Variants in FAM83E observed in about 807,000 individuals in gnomAD.
The protein encoded by FAM83E is protein FAM83E.
Under a neutral mutation model 34.3 loss-of-function variants are expected in FAM83E, and 29 were observed. The observed-to-expected ratio is 0.85, with a 90% CI of 0.63 to 1.15. The LOEUF (loss-of-function observed/expected upper bound fraction) is 1.15. Ranked by LOEUF, FAM83E falls within the 50% of genes most tolerant of loss-of-function variation. The pLI, the probability that FAM83E is intolerant of heterozygous loss-of-function variation, is 0.00. For synonymous variants in FAM83E, 312 were observed against 311.6 expected (o/e 1.00, Z -0.01); for missense variants, 697 against 685.0 (o/e 1.02, Z -0.20).
intron 6 of FAM83E, 77 bp downstream of exon 6, chr19:48,603,417 G>T: frequency 7.4e-7 from 1 of 1,359,536 alleles, no homozygotes; most frequent in Non-Finnish European, 9.6e-7. Context: ...GGCCCCTGGA[G>T]CCTGGCTTGC....
intron 5 of FAM83E, chr19:48,606,805 G>A (rs1973936640): frequency 5.4e-6 from 4 of 736,372 alleles, no homozygotes; most frequent in Middle Eastern, 3.9e-4. Flanking sequence ...AGGACTTAGA[G>A]GGACGCAGGG....
chr19:48,612,119 T>C (rs182206032), intron 3 of FAM83E, among the ~76,000 whole-genome samples: 4 of 152,266 alleles, frequency 2.6e-5, no homozygotes, highest in African/African-American at 9.6e-5. Context: ...GTGGGCACAA[T>C]AGTCCCTCTG....
chr19:48,601,292 C>G lies in FAM83E; in HGVS notation c.1254G>C (p.Trp418Cys), dbSNP rs1466060360. ...MRQRGTGGGP[W>C]GEVDSRPPWG... ...ACGGAGGTCGGGAGTCCACTTCCCC[C>G]CAGGGGCCTCCTCCAGTGCCCCGCT... is the stretch of plus-strand genomic sequence containing the variant. Residue 418 changes from tryptophan (W) to cysteine (C), a missense_variant, in exon 7 of 7, where the codon TGG (tryptophan) becomes TGC (cysteine). Physicochemically the swap from Trp to Cys is radical, Grantham distance 215 (BLOSUM62 -2). Transcript: ENST00000263266. 1.9e-6 allele frequency: 3 copies of G among 1,577,880 alleles called. No homozygotes were observed. The highest frequency in any genetic ancestry group is 2.6e-6 in the Non-Finnish European group (3 of 1,161,452).
Position 48,613,501 on chromosome 19 carries a change from G to C in FAM83E, c.-129C>G. 7.0e-7 allele frequency: 1 copy of C among 1,429,162 alleles called. No individual in the cohort carries two copies. The highest frequency in any genetic ancestry group is 9.1e-7 in the Non-Finnish European group (1 of 1,095,850). 88.5% of individuals were successfully genotyped at this position (1,429,162 alleles called of 1,614,324 possible). A position where few individuals can be genotyped will look rare whatever the true frequency, so the allele number is the denominator to read the frequency against. ...CCCTACGTGGCCATCCGAGGCCTCC[G>C]GCGGGGCCCTGCAGATGTCCAAATG... is the stretch of plus-strand genomic sequence containing the variant. On this transcript the variant is annotated 5_prime_UTR_variant, in exon 3 of 7. Transcript: ENST00000263266.
chr19:48,605,530 G>A (rs990376073), intron 5 of FAM83E, among the ~76,000 whole-genome samples: 4 of 151,916 alleles, frequency 2.6e-5, no homozygotes, highest in East Asian at 1.9e-4. Flanking sequence ...AGCCAAGATC[G>A]CGCCACTGCA....
At chr19:48,606,354 A>C (rs1177051952) in intron 5 of FAM83E, among the ~76,000 whole-genome samples, 2 of 152,230 alleles carry the variant, frequency 1.3e-5, no homozygotes, top group Non-Finnish European at 2.9e-5. Context: ...GAATCCTGGC[A>C]CACAGCAAGT....
intron 6 of FAM83E, 41 bp from the exon 7 acceptor site, chr19:48,601,410 G>A (rs763153408): frequency 3.9e-6 from 6 of 1,543,306 alleles, no homozygotes; most frequent in Non-Finnish European, 5.3e-6. Flanking sequence ...AGGCTGGGGT[G>A]GGGCCCTGGG....
chr19:48,607,675 T>C (rs551229277), intron 5 of FAM83E: 1 of 316,284 alleles, frequency 3.2e-6, no homozygotes, highest in African/African-American at 2.1e-5. Flanking sequence ...TGGTAAAAAA[T>C]ATATATATAT....
intron 5 of FAM83E, among the ~76,000 whole-genome samples, chr19:48,606,221 G>C (rs1404430259): frequency 6.6e-6 from 1 of 152,182 alleles, no homozygotes; most frequent in African/African-American, 2.4e-5. Flanking sequence ...TGAGTTACGA[G>C]AATCGCTTGA....
At chr19:48,606,921 CG>C in intron 5 of FAM83E, 1 of 1,571,528 alleles carries the variant, frequency 6.4e-7, no homozygotes, top group Non-Finnish European at 8.6e-7. Context: ...TCAGCGGTTC[CG>C]GGAGGTCTGG....
intron 3 of FAM83E, among the ~76,000 whole-genome samples, chr19:48,611,466 CT>C (rs35826197): frequency 6.6e-6 from 1 of 150,800 alleles, no homozygotes; most frequent in Non-Finnish European, 1.5e-5. Flanking sequence ...CCACGCCCGG[CT>C]TTTTTTTTCT....
rs771425613 is a variant in FAM83E, at chr19:48,613,328, A to G, written c.45T>C (p.Gly15=). The change falls in exon 3 of 7, where the codon GGT becomes GGC. Residue 15 remains glycine, a synonymous_variant. Coordinates refer to ENST00000263266, the MANE Select transcript of FAM83E (RefSeq NM_017708.4). Reference sequence around the variant, plus strand: ...CGGGGCTGGCCCCGGGCACCCTGGGACCGGAGTCCACTCCTTCCAGCGCCG... The same window carrying G: ...CGGGGCTGGCCCCGGGCACCCTGGGGCCGGAGTCCACTCCTTCCAGCGCCG... ...QLAALEGVDS[G]PRVPGASPGF... 1 of 1,593,798 alleles carries G rather than the reference A, an allele frequency of 6.3e-7. No individual in the cohort carries two copies. Among genetic ancestry groups the G allele is most frequent in the Non-Finnish European group, 8.5e-7 (1 of 1,172,474 alleles).
At chr19:48,611,716 C>T (rs1194309049) in intron 3 of FAM83E, among the ~76,000 whole-genome samples, 2 of 152,204 alleles carry the variant, frequency 1.3e-5, no homozygotes, top group African/African-American at 4.8e-5. Context: ...GATCCCCCAG[C>T]CTTGGCCTCC....
In FAM83E at chr19:48,603,615, T is replaced by G. The variant is rs772129905; in HGVS notation, c.1055A>C (p.Asp352Ala). The change falls in exon 6 of 7, where the codon GAC (aspartate) becomes GCC (alanine). Residue 352 changes from aspartate to alanine, a missense_variant. Coordinates refer to ENST00000263266, the MANE Select transcript of FAM83E (RefSeq NM_017708.4). ...GGCGCGCTGCACACTCCTTAGAATGTCACTGAGTGCCGGCCCCGGGGTAGC... is the reference window on the plus strand; with the variant it reads ...GGCGCGCTGCACACTCCTTAGAATGGCACTGAGTGCCGGCCCCGGGGTAGC... ...SPATPGPALS[D>A]ILRSVQRART... The G allele has an allele frequency of 6.9e-7, 1 of 1,455,178 alleles. No individual in the cohort carries two copies. Among genetic ancestry groups the G allele is most frequent in the African/African-American group, 1.5e-5 (1 of 67,838 alleles). 90.1% of individuals were successfully genotyped at this position (1,455,178 alleles called of 1,614,324 possible).
In FAM83E at chr19:48,613,974, CT is replaced by C. The variant is rs1165645193; in HGVS notation, c.-603del. 4.1e-6 allele frequency: 4 copies of C among 985,290 alleles called. No homozygotes were observed. The highest frequency in any genetic ancestry group is 4.8e-6 in the Non-Finnish European group (4 of 829,948). 61.0% of individuals were successfully genotyped at this position (985,290 alleles called of 1,614,324 possible). The stretch of plus-strand genomic sequence containing the variant: ...TCCACTGTCTGGCAAACGCCAATGG[CT>C]TCCGACTGACAGTCACAGTATCTGC... On this transcript the variant is annotated 5_prime_UTR_variant, in exon 3 of 7. It introduces an in-frame stop codon into an upstream open reading frame of the 5' UTR. Transcript: ENST00000263266.
At chr19:48,601,459 A>G in intron 6 of FAM83E, 90 bp from the exon 7 acceptor site, 2 of 1,503,908 alleles carry the variant, frequency 1.3e-6, no homozygotes, top group Non-Finnish European at 1.8e-6. Context: ...GTGAGGCAAG[A>G]GAGAAGCAGC....
At chr19:48,610,612 G>C (rs898017857) in intron 4 of FAM83E, 68 bp downstream of exon 4, 12 of 1,484,324 alleles carry the variant, frequency 8.1e-6, no homozygotes, top group Non-Finnish European at 9.9e-6. Flanking sequence ...CTCCATGGAA[G>C]GGTCTGCCCC....
In FAM83E at chr19:48,613,423, G is replaced by A. The variant is rs768315658; in HGVS notation, c.-51C>T. Reference sequence around the variant, plus strand: ...ACTGTGAGAGGCTGGGTCCCCGGGGGTCTGGCTGTCTCTGGGGACTGTGAT... The same window carrying A: ...ACTGTGAGAGGCTGGGTCCCCGGGGATCTGGCTGTCTCTGGGGACTGTGAT... On this transcript the variant is annotated 5_prime_UTR_variant, in exon 3 of 7. Coordinates refer to ENST00000263266, the MANE Select transcript of FAM83E (RefSeq NM_017708.4). 124 of 1,465,464 alleles carry A rather than the reference G, an allele frequency of 8.5e-5. No individual in the cohort carries two copies. The Middle Eastern group carries it at 2.0e-3, about 24-fold the overall frequency. The allele number at this position is 1,465,464 out of a possible 1,614,324, so 90.8% of individuals were successfully genotyped here.
intron 5 of FAM83E, among the ~76,000 whole-genome samples, chr19:48,605,773 A>G (rs998586898): frequency 4.6e-5 from 7 of 150,624 alleles, no homozygotes; most frequent in Non-Finnish European, 8.9e-5. Context: ...CTGGTCTTGA[A>G]CTCCTGAGCT....
Sources: allele counts gnomAD v4.1 joint callset (sites outside exome capture counted in the v4.1 genomes callset), GRCh38; gene constraint gnomAD v4.1.1; transcripts MANE v1.5; gene names NCBI Gene and HGNC (gene_info 2026-07-23, HGNC 2026-07-21).